Variants in SPATA18 observed in about 807,000 individuals in gnomAD.
The protein encoded by SPATA18 is mitochondria-eating protein.
A neutral mutation model predicts 68.1 loss-of-function variants in SPATA18; 54 were observed. The ratio of observed to expected loss-of-function variants is 0.79; its 90% CI spans 0.64 to 0.99. The LOEUF (loss-of-function observed/expected upper bound fraction) is 0.99. Ranked by LOEUF, SPATA18 falls within the 50% of genes least tolerant of loss-of-function variation. SPATA18 has a pLI of 0.00. For synonymous variants in SPATA18, 242 were observed against 244.8 expected (o/e 0.99, Z 0.11); for missense variants, 724 against 681.1 (o/e 1.06, Z -0.70).
In SPATA18 at chr4:52,087,149, T is replaced by C. The variant is rs559771897; in HGVS notation, c.1563+2150T>C. ...TTCTTGTAAATTTGTTTAAGTTCTT[T>C]GTAGATTGTGGATATTAGCCCTTTG... is the stretch of plus-strand genomic sequence containing the variant. On this transcript the variant is annotated intron_variant, in intron 11 of 12. Transcript: ENST00000295213. Among the ~76,000 whole-genome samples, 8 of 152,340 alleles carry C rather than the reference T, an allele frequency of 5.3e-5. No homozygotes were observed. The East Asian group carries it at 1.2e-3, about 22-fold the overall frequency.
Position 52,095,074 on chromosome 4 carries a change from TC to T in SPATA18, c.*188del. The T allele has an allele frequency of 1.6e-6, 1 of 625,870 alleles. No homozygotes were observed. The highest frequency in any genetic ancestry group is 2.8e-6 in the Non-Finnish European group (1 of 358,368). 38.8% of individuals were successfully genotyped at this position (625,870 alleles called of 1,614,324 possible). ...ATTTGTAACTTTAGATATATTGCAT[TC>T]TATTTTATTTTATAGATACTAATTC... On this transcript the variant is annotated 3_prime_UTR_variant, in exon 13 of 13. Coordinates refer to ENST00000295213, the MANE Select transcript of SPATA18 (RefSeq NM_145263.4).
chr4:52,090,306 T>A (rs10866419), intron 11 of SPATA18, among the ~76,000 whole-genome samples: 128,910 of 152,134 alleles, frequency 0.85, 58,535 homozygotes, highest in East Asian at 1. Context: ...GTTATGTGTG[T>A]ACTTGATCCT....
At chr4:52,080,756 G>A (rs1055568936) in intron 9 of SPATA18, among the ~76,000 whole-genome samples, 17 of 152,152 alleles carry the variant, frequency 1.1e-4, no homozygotes, top group Non-Finnish European at 1.5e-4. Flanking sequence ...TCCTAGGGTC[G>A]TAGAAGGTTA....
chr4:52,085,901 G>C (rs1174275682), intron 11 of SPATA18, among the ~76,000 whole-genome samples: 1 of 151,980 alleles, frequency 6.6e-6, no homozygotes, highest in Non-Finnish European at 1.5e-5. Flanking sequence ...GAGAGAGTGA[G>C]ATCCTGTCTT....
At position 52,062,184 on chromosome 4, in the gene SPATA18, CTGTTT is replaced by C. The variant is rs1411647490; in HGVS notation, c.310-34_310-30del. 5.7e-6 allele frequency: 6 copies of C among 1,053,984 alleles called. No individual in the cohort carries two copies. In the East Asian group the frequency reaches 1.0e-4, roughly 18 times the overall value. The allele number at this position is 1,053,984 out of a possible 1,614,324, so 65.3% of individuals were successfully genotyped here. The stretch of plus-strand genomic sequence containing the variant: ...ATCCATGTCATTTAATGTATTCAGA[CTGTTT>C]TTTTTTTTTTTTTTTGGTGTATCTT... On this transcript the variant is annotated intron_variant, in intron 3 of 12. Transcript: ENST00000295213.
At chr4:52,060,244 G>A (rs1359819685) in intron 1 of SPATA18, among the ~76,000 whole-genome samples, 175 bp from the exon 2 acceptor site, 1 of 152,212 alleles carries the variant, frequency 6.6e-6, no homozygotes, top group East Asian at 1.9e-4. Flanking sequence ...GTGAAATGTG[G>A]TCTAGTTTTG....
intron 1 of SPATA18, among the ~76,000 whole-genome samples, chr4:52,056,553 C>T (rs1738361170): frequency 8.5e-6 from 1 of 117,570 alleles, no homozygotes; most frequent in Non-Finnish European, 2.2e-5. Flanking sequence ...TCCTGCAGGC[C>T]CCCTGACTTG....
intron 11 of SPATA18, among the ~76,000 whole-genome samples, 172 bp downstream of exon 11, chr4:52,085,171 A>C: frequency 6.6e-6 from 1 of 152,080 alleles, no homozygotes; most frequent in Non-Finnish European, 1.5e-5. Flanking sequence ...TAAATAATTT[A>C]TTATTCTAGA....
chr4:52,094,987 A>T lies in SPATA18; in HGVS notation c.*100A>T. 1 of 1,455,628 alleles carries T rather than the reference A, an allele frequency of 6.9e-7. No individual in the cohort carries two copies. The highest frequency in any genetic ancestry group is 9.6e-7 in the Non-Finnish European group (1 of 1,037,214). The allele number at this position is 1,455,628 out of a possible 1,614,324, so 90.2% of individuals were successfully genotyped here. A position where few individuals can be genotyped will look rare whatever the true frequency, so the allele number is the denominator to read the frequency against. On this transcript the variant is annotated 3_prime_UTR_variant, in exon 13 of 13. Coordinates refer to ENST00000295213, the MANE Select transcript of SPATA18 (RefSeq NM_145263.4). ...GTCTGCCTCAGACCTCACTTAAGAT[A>T]ATGTCAAAAGGCAATTCTGTGTATC...
At chr4:52,078,185 C>A (rs921038594) in intron 7 of SPATA18, among the ~76,000 whole-genome samples, 2 of 151,424 alleles carry the variant, frequency 1.3e-5, no homozygotes, top group African/African-American at 2.4e-5. Context: ...TATTGAAAAA[C>A]GTTTGCCATC....
intron 11 of SPATA18, among the ~76,000 whole-genome samples, chr4:52,093,246 T>A (rs1345041669): frequency 1.3e-5 from 2 of 152,116 alleles, no homozygotes; most frequent in Admixed American, 6.6e-5. Context: ...TACAATATGA[T>A]AGTCAATAAA....
chr4:52,088,374 T>A (rs1741622049), intron 11 of SPATA18, among the ~76,000 whole-genome samples: 2 of 152,194 alleles, frequency 1.3e-5, no homozygotes, highest in Non-Finnish European at 1.5e-5. Flanking sequence ...ATGCTTCCAG[T>A]TTTTACCATT....
intron 1 of SPATA18, among the ~76,000 whole-genome samples, chr4:52,054,547 A>G (rs972990551): frequency 6.6e-6 from 1 of 152,268 alleles, no homozygotes; most frequent in South Asian, 2.1e-4. Context: ...GTAAGCAAAC[A>G]TGCATGTTAC....
chr4:52,054,681 C>G (rs934296008), intron 1 of SPATA18, among the ~76,000 whole-genome samples: 1 of 151,884 alleles, frequency 6.6e-6, no homozygotes, highest in Admixed American at 6.6e-5. Flanking sequence ...GTGGACCGGC[C>G]AGAACCAGCC....
chr4:52,056,596 A>G (rs1738365152), intron 1 of SPATA18, among the ~76,000 whole-genome samples: 1 of 151,840 alleles, frequency 6.6e-6, no homozygotes. Flanking sequence ...TCCCTCTCAT[A>G]CCTCTTACTC....
chr4:52,083,941 A>G (rs1197086949), intron 10 of SPATA18, among the ~76,000 whole-genome samples: 2 of 151,612 alleles, frequency 1.3e-5, no homozygotes, highest in African/African-American at 2.4e-5. Flanking sequence ...GGGTTTCACC[A>G]TGTTGGTCAG....
intron 5 of SPATA18, among the ~76,000 whole-genome samples, chr4:52,070,506 G>A (rs1329872130): frequency 6.6e-6 from 1 of 150,680 alleles, no homozygotes; most frequent in Non-Finnish European, 1.5e-5. Context: ...ACCTTCCTGA[G>A]GGGAACATCA....
At chr4:52,064,090 G>A (rs1024027311) in intron 4 of SPATA18, among the ~76,000 whole-genome samples, 5 of 151,872 alleles carry the variant, frequency 3.3e-5, no homozygotes, top group African/African-American at 9.7e-5. Context: ...TTCAAACACA[G>A]CAAATCTGCT....
At chr4:52,089,999 A>G (rs1239155777) in intron 11 of SPATA18, among the ~76,000 whole-genome samples, 1 of 151,942 alleles carries the variant, frequency 6.6e-6, no homozygotes, top group African/African-American at 2.4e-5. Flanking sequence ...TAGGATGGTT[A>G]GTTCTTGCTG....
Sources: allele counts gnomAD v4.1 joint callset (sites outside exome capture counted in the v4.1 genomes callset), GRCh38; gene constraint gnomAD v4.1.1; transcripts MANE v1.5; gene names NCBI Gene and HGNC (gene_info 2026-07-23, HGNC 2026-07-21).